Variants in EBF3 observed in about 807,000 individuals in gnomAD.
EBF3 encodes the protein transcription factor COE3.
Under a neutral mutation model 77.1 loss-of-function variants are expected in EBF3, and 18 were observed. The observed-to-expected ratio is 0.23, with a 90% confidence interval of 0.16 to 0.35. EBF3 has a LOEUF of 0.35. Ranked by LOEUF, EBF3 falls within the 10% of genes least tolerant of loss-of-function variation. EBF3 has a pLI of 1.00. For synonymous variants in EBF3, 350 were observed against 343.5 expected (o/e 1.02, Z -0.21); for missense variants, 558 against 860.0 (o/e 0.65, Z 4.39).
Position 129,867,825 on chromosome 10 carries a change from T to C in EBF3, c.869A>G (p.Asp290Gly). ...AGTTCCGAATACAACTTGCAGCCCG[T>C]CAAAGAAGTTGTCGCCAATTATGAT... ...TVIIIGDNFF[D>G]GLQVVFGTML... The change falls in exon 9 of 17, where the codon GAC (aspartate) becomes GGC (glycine). Residue 290 changes from aspartate (D) to glycine (G), a missense_variant. Physicochemically the swap from Asp to Gly is moderately conservative, Grantham distance 94. Around this residue, in one of 5 missense-constraint regions of EBF3, gnomAD observed 112 missense variants for 207.7 expected, o/e 0.54. Transcript: ENST00000440978. 6.2e-7 allele frequency: 1 copy of C among 1,614,226 alleles called. No individual in the cohort carries two copies. The highest frequency in any genetic ancestry group is 8.5e-7 in the Non-Finnish European group (1 of 1,180,038).
chr10:129,941,720 C>T (rs1351830095), intron 6 of EBF3, among the ~76,000 whole-genome samples: 1 of 152,252 alleles, frequency 6.6e-6, no homozygotes, highest in Non-Finnish European at 1.5e-5. Context: ...AAGGCAGAGG[C>T]AGGAACCCCT....
In EBF3 at chr10:129,930,321, ATATATC is replaced by A. The variant is rs1027115290; in HGVS notation, c.554+26931_554+26936del. Among the ~76,000 whole-genome samples, 480 of 151,768 alleles carry A rather than the reference ATATATC, an allele frequency of 3.2e-3. 5 individuals carry two copies. Among genetic ancestry groups the A allele is most frequent in the African/African-American group, 0.011 (448 of 41,360 alleles). On this transcript the variant is annotated intron_variant, in intron 6 of 16. Coordinates refer to ENST00000440978, the MANE Select transcript of EBF3 (RefSeq NM_001375380.1). ...AATTCCCTTAACAAATCCCCCTCTCATATATCTATATCTATATCTGTCTATATCTAT... is the reference window on the plus strand; with the variant it reads ...AATTCCCTTAACAAATCCCCCTCTCATATATCTATATCTGTCTATATCTAT...
intron 6 of EBF3, among the ~76,000 whole-genome samples, chr10:129,884,430 A>C (rs1853427177): frequency 6.6e-6 from 1 of 152,152 alleles, no homozygotes; most frequent in South Asian, 2.1e-4. Flanking sequence ...ATTAGCTATT[A>C]CTGGGCTCAC....
intron 6 of EBF3, among the ~76,000 whole-genome samples, chr10:129,892,363 T>C (rs569073644): frequency 6.6e-6 from 1 of 152,360 alleles, no homozygotes; most frequent in East Asian, 1.9e-4. Context: ...ATGAACTCAA[T>C]TTCCATATAA....
chr10:129,848,198 T>C lies in EBF3; in HGVS notation c.1128+194A>G, dbSNP rs377402348. Among the ~76,000 whole-genome samples, 9 of 152,320 alleles carry C rather than the reference T, an allele frequency of 5.9e-5. No homozygotes were observed. The East Asian group carries it at 9.7e-4, about 16-fold the overall frequency. On this transcript the variant is annotated intron_variant, in intron 11 of 16. Transcript: ENST00000440978. This position sits in a 1 kb window ranked among gnomAD's most constrained non-coding sequence, Gnocchi z 4.4. ...TAAAACTCGAGCCGTCTACGCCTTC[T>C]CTCACCCTTCGCCCACCTCTGAAGC...
At chr10:129,924,472 A>G (rs919646762) in intron 6 of EBF3, among the ~76,000 whole-genome samples, 5 of 151,676 alleles carry the variant, frequency 3.3e-5, no homozygotes, top group African/African-American at 1.2e-4. Context: ...GAAAATAGGT[A>G]CTGGTGAGGA....
chr10:129,964,020 G>A lies in EBF3; in HGVS notation c.-252C>T. 3 of 985,200 alleles carry A rather than the reference G, an allele frequency of 3.0e-6. No homozygotes were observed. Among genetic ancestry groups the A allele is most frequent in the Non-Finnish European group, 3.6e-6 (3 of 829,854 alleles). 61.0% of individuals were successfully genotyped at this position (985,200 alleles called of 1,614,324 possible). A position where few individuals can be genotyped will look rare whatever the true frequency, so the allele number is the denominator to read the frequency against. On this transcript the variant is annotated 5_prime_UTR_variant, in exon 1 of 17. Transcript: ENST00000440978. The surrounding 1 kb of genome is among the most constrained non-coding windows in gnomAD (Gnocchi z 4.5). ...CGCTTCGAAGGAGCAGGACGCGGTG[G>A]CCGCGGCGGCGCTTGTTGTTGTTGT...
At chr10:129,866,696 T>C (rs1165221970) in intron 10 of EBF3, among the ~76,000 whole-genome samples, 1 of 152,174 alleles carries the variant, frequency 6.6e-6, no homozygotes, top group African/African-American at 2.4e-5. Context: ...GCCCGGGCAC[T>C]GACTTCATCA....
Position 129,953,623 on chromosome 10 carries a change from A to C in EBF3, c.554+3635T>G, listed in dbSNP as rs140890017. On this transcript the variant is annotated intron_variant, in intron 6 of 16. Coordinates refer to ENST00000440978, the MANE Select transcript of EBF3 (RefSeq NM_001375380.1). The stretch of plus-strand genomic sequence containing the variant: ...GGTGCCATCTGGAACCGCCCCGCCG[A>C]GCCCGCTCCCAGCGCTGCATGGAGC... Among the ~76,000 whole-genome samples, 1,217 of 152,332 alleles carry C rather than the reference A, an allele frequency of 8.0e-3. 18 individuals are homozygous for C. The highest frequency in any genetic ancestry group is 0.028 in the African/African-American group (1,152 of 41,570).
At chr10:129,903,153 C>T (rs756810940) in intron 6 of EBF3, among the ~76,000 whole-genome samples, 4 of 152,234 alleles carry the variant, frequency 2.6e-5, no homozygotes, top group Non-Finnish European at 5.9e-5. Flanking sequence ...ACTGAAGTTC[C>T]ATTCCACTAG....
chr10:129,837,824 T>A lies in EBF3; in HGVS notation c.*119A>T. 2 of 1,372,210 alleles carry A rather than the reference T, an allele frequency of 1.5e-6. No individual in the cohort carries two copies. Among genetic ancestry groups the A allele is most frequent in the Admixed American group, 2.0e-5 (1 of 49,696 alleles). The allele number at this position is 1,372,210 out of a possible 1,614,324, so 85.0% of individuals were successfully genotyped here. ...TTTGTAGCATTTCAATTGCTGCTGA[T>A]TTTTTTGAAGATACTGTTTCCATCA... On this transcript the variant is annotated 3_prime_UTR_variant, in exon 17 of 17. Transcript: ENST00000440978.
At chr10:129,865,336 C>A (rs1473729161) in intron 10 of EBF3, among the ~76,000 whole-genome samples, 2 of 152,154 alleles carry the variant, frequency 1.3e-5, no homozygotes, top group Admixed American at 6.5e-5. Context: ...ATTTTTTGAA[C>A]CCCATTGTGA....
chr10:129,852,139 G>C (rs989816494), intron 10 of EBF3, among the ~76,000 whole-genome samples: 1 of 152,198 alleles, frequency 6.6e-6, no homozygotes, highest in Admixed American at 6.5e-5. Flanking sequence ...CATACAAATA[G>C]AGCCTGACAC....
chr10:129,853,944 G>A (rs1007755847), intron 10 of EBF3, among the ~76,000 whole-genome samples: 1 of 152,148 alleles, frequency 6.6e-6, no homozygotes. Context: ...ATGATTGTGC[G>A]GTGAAGAATG....
rs1849651427 is a variant in EBF3 at position 129,836,993 on chromosome 10, TATAA to T, written c.*946_*949del. Reference sequence around the variant, plus strand: ...ATCTGAAAAAAATTCAAGACAAGTGTATAAATATTTAGCTACAACTTTGGCAAAA... The same window carrying T: ...ATCTGAAAAAAATTCAAGACAAGTGTATATTTAGCTACAACTTTGGCAAAA... On this transcript the variant is annotated 3_prime_UTR_variant, in exon 17 of 17. Transcript: ENST00000440978. 6.6e-6 allele frequency: 1 copy of T among 152,656 alleles called. No individual in the cohort carries two copies. The highest frequency in any genetic ancestry group is 2.4e-5 in the African/African-American group (1 of 41,460). The allele number at this position is 152,656 out of a possible 1,614,324, so 9.5% of individuals were successfully genotyped here. A position where few individuals can be genotyped will look rare whatever the true frequency, so the allele number is the denominator to read the frequency against.
At chr10:129,880,070 A>G (rs931288912) in intron 6 of EBF3, among the ~76,000 whole-genome samples, 1 of 152,218 alleles carries the variant, frequency 6.6e-6, no homozygotes, top group Non-Finnish European at 1.5e-5. Context: ...TCTTTTAGAC[A>G]GTCACCCTTT....
chr10:129,867,621 G>A (rs12572694), intron 9 of EBF3, among the ~76,000 whole-genome samples, 161 bp downstream of exon 9: 29,546 of 152,110 alleles, frequency 0.19, 2,987 homozygotes, highest in Admixed American at 0.23. Context: ...GGGGTGTTCC[G>A]TAGCCACCCA....
At chr10:129,851,482 T>C (rs1850877188) in intron 10 of EBF3, among the ~76,000 whole-genome samples, 1 of 152,150 alleles carries the variant, frequency 6.6e-6, no homozygotes, top group Admixed American at 6.5e-5. Flanking sequence ...TAATTTAAAC[T>C]CTGCCTTAAA....
chr10:129,946,195 G>T (rs552405960), intron 6 of EBF3, among the ~76,000 whole-genome samples: 20 of 152,308 alleles, frequency 1.3e-4, no homozygotes, highest in African/African-American at 4.3e-4. Flanking sequence ...TCCTGGCCTC[G>T]CGCGGACCCG....
Sources: gnomAD v4.1 joint callset for allele counts (sites outside exome capture counted in the v4.1 genomes callset) on GRCh38, gnomAD v4.1.1 for gene constraint, gnomAD v4.1.1 regional missense constraint, Gnocchi (gnomAD v3.1) non-coding constraint, MANE v1.5 for transcripts, NCBI Gene and HGNC (gene_info 2026-07-23, HGNC 2026-07-21) for gene names.